COPS4: variants seen among roughly 807,000 people sequenced by gnomAD.
COPS4 encodes the protein COP9 signalosome subunit 4.
Under a neutral mutation model 55.1 loss-of-function variants are expected in COPS4, and 8 were observed. That is an observed-to-expected ratio of 0.15 (90% confidence interval 0.09 to 0.26). COPS4 has a LOEUF of 0.26. COPS4 is among the 10% of genes least tolerant of loss of function. The pLI, the probability that COPS4 is intolerant of heterozygous loss-of-function variation, is 1.00. For synonymous variants in COPS4, 185 were observed against 165.7 expected (o/e 1.12, Z -0.90); for missense variants, 248 against 484.0 (o/e 0.51, Z 4.58).
intron 4 of COPS4, among the ~76,000 whole-genome samples, chr4:83,055,116 G>A (rs1443011657): frequency 6.6e-6 from 1 of 152,248 alleles, no homozygotes; most frequent in African/African-American, 2.4e-5. Context: ...CTGGGGCCAA[G>A]TGAATTATAA....
At chr4:83,056,158 C>T (rs545446298) in intron 4 of COPS4, among the ~76,000 whole-genome samples, 103 of 152,202 alleles carry the variant, frequency 6.8e-4, no homozygotes, top group Non-Finnish European at 9.1e-4. Context: ...TCTTGAACTC[C>T]TGACCTCAGG....
rs139659684 is a variant in COPS4, at chr4:83,056,138, G to A, written c.411-788G>A. On this transcript the variant is annotated intron_variant, in intron 4 of 9. Coordinates refer to ENST00000264389, the MANE Select transcript of COPS4 (RefSeq NM_016129.3). ...GTAGAGACAGGGTTTTACCATGTTG[G>A]TCAGGGTGGTCTTGAACTCCTGACC... 6.7e-3 allele frequency among the ~76,000 whole-genome samples: 1,026 copies of A among 152,068 alleles called. 12 individuals carry two copies. Among genetic ancestry groups the A allele is most frequent in the African/African-American group, 0.023 (972 of 41,510 alleles).
In COPS4 at chr4:83,049,053, T is replaced by C. The variant is rs1730792409; in HGVS notation, c.155-113T>C. The C allele has an allele frequency of 4.2e-6, 4 of 948,226 alleles. No homozygotes were observed. In the South Asian group the frequency reaches 6.2e-5, roughly 15 times the overall value. The allele number at this position is 948,226 out of a possible 1,614,324, so 58.7% of individuals were successfully genotyped here. On this transcript the variant is annotated intron_variant, in intron 2 of 9. Transcript: ENST00000264389. ...GTATGGAAATCCTTGAATAATGCAT[T>C]GAAGGCTGTACTAATATAGATTGTT...
intron 4 of COPS4, among the ~76,000 whole-genome samples, chr4:83,052,188 G>A (rs1730904170): frequency 6.6e-6 from 1 of 152,188 alleles, no homozygotes; most frequent in Admixed American, 6.5e-5. Context: ...TTCAAAAAAG[G>A]TAGGAAGAAA....
chr4:83,065,741 T>C (rs1731277957), intron 7 of COPS4, among the ~76,000 whole-genome samples: 2 of 152,230 alleles, frequency 1.3e-5, no homozygotes, highest in African/African-American at 4.8e-5. Context: ...TTTCTCACAT[T>C]TGCCTTGGTT....
intron 9 of COPS4, among the ~76,000 whole-genome samples, chr4:83,073,673 G>A (rs759834992): frequency 2.0e-5 from 3 of 152,002 alleles, no homozygotes; most frequent in Non-Finnish European, 4.4e-5. Context: ...TATAGGTTGC[G>A]GCTGGGCGTA....
rs765998389 is a variant in COPS4 at position 83,068,537 on chromosome 4, G to A, written c.1087+15G>A. The A allele has an allele frequency of 2.0e-6, 3 of 1,503,838 alleles. No individual in the cohort carries two copies. Among genetic ancestry groups the A allele is most frequent in the Non-Finnish European group, 2.8e-6 (3 of 1,081,076 alleles). 93.2% of individuals were successfully genotyped at this position (1,503,838 alleles called of 1,614,324 possible). ...TCATTTTGAAAGTAAGAGGTTTTGTGTATTTCTGTCATAATGAAATAGCAG... is the reference window on the plus strand; with the variant it reads ...TCATTTTGAAAGTAAGAGGTTTTGTATATTTCTGTCATAATGAAATAGCAG... On this transcript the variant is annotated intron_variant, in intron 9 of 9. Transcript: ENST00000264389.
intron 9 of COPS4, 49 bp from the exon 10 acceptor site, chr4:83,075,248 G>A (rs760110094): frequency 1.9e-6 from 3 of 1,586,712 alleles, no homozygotes; most frequent in Non-Finnish European, 2.6e-6. Context: ...CACAGTTGCT[G>A]TGAATACAAA....
At position 83,065,147 on chromosome 4, in the gene COPS4, A is replaced by T. The variant is rs186339283; in HGVS notation, c.887-1291A>T. The T allele has an allele frequency of 5.7e-5, 36 of 630,060 alleles. No homozygotes were observed. In the Admixed American group the frequency reaches 8.2e-4, roughly 14 times the overall value. The allele number at this position is 630,060 out of a possible 1,614,324, so 39.0% of individuals were successfully genotyped here. Reference sequence around the variant, plus strand: ...CATCTTGGCTTCCCAAAGTGCTGGGATGATAGGGGTAAGCCACTGCACCTG... The same window carrying T: ...CATCTTGGCTTCCCAAAGTGCTGGGTTGATAGGGGTAAGCCACTGCACCTG... On this transcript the variant is annotated intron_variant, in intron 7 of 9. Coordinates refer to ENST00000264389, the MANE Select transcript of COPS4 (RefSeq NM_016129.3).
At chr4:83,070,886 A>C (rs1465904416) in intron 9 of COPS4, among the ~76,000 whole-genome samples, 1 of 152,160 alleles carries the variant, frequency 6.6e-6, no homozygotes, top group East Asian at 1.9e-4. Flanking sequence ...AGTCTCCCAA[A>C]AGCTGGTCCT....
intron 9 of COPS4, among the ~76,000 whole-genome samples, chr4:83,070,026 A>G (rs895101062): frequency 4.6e-5 from 7 of 152,000 alleles, no homozygotes; most frequent in Non-Finnish European, 1.0e-4. Context: ...TATCTTCCAA[A>G]TCTCATCTTG....
Position 83,053,550 on chromosome 4 carries a change from A to G in COPS4, c.411-3376A>G, listed in dbSNP as rs193171345. Among the ~76,000 whole-genome samples, 6 of 152,268 alleles carry G rather than the reference A, an allele frequency of 3.9e-5. No homozygotes were observed. In the South Asian group the frequency reaches 6.2e-4, roughly 16 times the overall value. On this transcript the variant is annotated intron_variant, in intron 4 of 9. Transcript: ENST00000264389. ...ATGAGGTAGAAAAACAATTTTAAAA[A>G]ATTAAGATGGCAGGGCGTGGTAGCT...
chr4:83,069,847 T>A (rs925972996), intron 9 of COPS4, among the ~76,000 whole-genome samples: 1 of 152,182 alleles, frequency 6.6e-6, no homozygotes, highest in African/African-American at 2.4e-5. Context: ...ACTTGGGCTT[T>A]GGACCTTTTC....
intron 1 of COPS4, among the ~76,000 whole-genome samples, chr4:83,041,647 T>C (rs1730571033): frequency 6.6e-6 from 1 of 151,814 alleles, no homozygotes; most frequent in Non-Finnish European, 1.5e-5. Context: ...TTTGTATTTT[T>C]AGTAGAGATG....
At chr4:83,063,370 G>GA in intron 7 of COPS4, 124 bp downstream of exon 7, 1 of 661,724 alleles carries the variant, frequency 1.5e-6, no homozygotes, top group Non-Finnish European at 2.3e-6. Flanking sequence ...AAAAAAAGAG[G>GA]AATTGTTTTT....
chr4:83,054,411 C>T (rs375227352), intron 4 of COPS4, among the ~76,000 whole-genome samples: 1 of 152,250 alleles, frequency 6.6e-6, no homozygotes, highest in African/African-American at 2.4e-5. Flanking sequence ...GCCAGGTGAA[C>T]GGGGGATTCT....
At chr4:83,063,752 C>G (rs1248924373) in intron 7 of COPS4, among the ~76,000 whole-genome samples, 1 of 149,406 alleles carries the variant, frequency 6.7e-6, no homozygotes, top group Admixed American at 6.6e-5. Flanking sequence ...TCTTGTCGCC[C>G]AGGCTGGAGT....
chr4:83,074,907 G>A (rs1373399296), intron 9 of COPS4, among the ~76,000 whole-genome samples: 4 of 151,928 alleles, frequency 2.6e-5, no homozygotes, highest in Non-Finnish European at 5.9e-5. Flanking sequence ...TGGATCATGA[G>A]GTCAGGAGTT....
chr4:83,045,484 C>A (rs1730683887), intron 1 of COPS4, 142 bp from the exon 2 acceptor site: 2 of 495,568 alleles, frequency 4.0e-6, no homozygotes, highest in Admixed American at 3.6e-5. Flanking sequence ...AAAAAAAAAT[C>A]TGTGGTATAC....
Sources: gnomAD v4.1 joint callset for allele counts (sites outside exome capture counted in the v4.1 genomes callset) on GRCh38, gnomAD v4.1.1 for gene constraint, MANE v1.5 for transcripts, NCBI Gene and HGNC (gene_info 2026-07-23, HGNC 2026-07-21) for gene names.